BCAS3: variants seen among roughly 807,000 people sequenced by gnomAD.
The protein encoded by BCAS3 is BCAS4/BCAS3 fusion.
In BCAS3, 53 loss-of-function variants were observed where a neutral mutation model predicts 116.1. The ratio of observed to expected loss-of-function variants is 0.46; its 90% CI spans 0.37 to 0.57. The LOEUF is 0.57. BCAS3 is among the 20% of genes least tolerant of loss of function. BCAS3 has a pLI of 0.00. For missense variants in BCAS3, 917 were observed against 1,165.4 expected (o/e 0.79, Z 3.10); for synonymous variants, 391 against 408.2 (o/e 0.96, Z 0.51).
At chr17:60,864,032 G>A (rs767084024) in intron 7 of BCAS3, among the ~76,000 whole-genome samples, 1 of 152,180 alleles carries the variant, frequency 6.6e-6, no homozygotes, top group Non-Finnish European at 1.5e-5. Context: ...GGAGAAGTGG[G>A]AACTTAGCTT....
chr17:60,950,372 G>A (rs1483898636), intron 14 of BCAS3, among the ~76,000 whole-genome samples: 1 of 152,112 alleles, frequency 6.6e-6, no homozygotes, highest in Non-Finnish European at 1.5e-5. Context: ...AACTTTGTTT[G>A]GACCCTGATC....
Position 61,065,711 on chromosome 17 carries a change from G to A in BCAS3, c.2030-9209G>A, listed in dbSNP as rs2070539277. 6.6e-6 allele frequency among the ~76,000 whole-genome samples: 1 copy of A among 152,302 alleles called. No individual in the cohort carries two copies. Among genetic ancestry groups the A allele is most frequent in the South Asian group, 2.1e-4 (1 of 4,820 alleles). ...GGAGGAAGGGTGGGGATATGGTAAA[G>A]AGTAGGAGAAAACAAAAACTGTGTC... On this transcript the variant is annotated intron_variant, in intron 19 of 23. Coordinates refer to ENST00000407086, the MANE Select transcript of BCAS3 (RefSeq NM_017679.5). The surrounding 1 kb of genome is among the most constrained non-coding windows in gnomAD (Gnocchi z 4.8).
In BCAS3 at chr17:61,034,391, A is replaced by C. The variant is rs1231329454; in HGVS notation, c.1638-275A>C. Among the ~76,000 whole-genome samples, 3 of 152,224 alleles carry C rather than the reference A, an allele frequency of 2.0e-5. No individual in the cohort carries two copies. In the South Asian group the frequency reaches 6.2e-4, roughly 32 times the overall value. ...AGGGAAATGTTACTCATCTGAAAAGAGGTGACTTGGATTTTGCCAGCACAT... is the reference window on the plus strand; with the variant it reads ...AGGGAAATGTTACTCATCTGAAAAGCGGTGACTTGGATTTTGCCAGCACAT... On this transcript the variant is annotated intron_variant, in intron 16 of 23. Coordinates refer to ENST00000407086, the MANE Select transcript of BCAS3 (RefSeq NM_017679.5). The surrounding 1 kb of genome is among the most constrained non-coding windows in gnomAD (Gnocchi z 5.0).
intron 5 of BCAS3, among the ~76,000 whole-genome samples, chr17:60,712,222 A>T (rs34755063): frequency 1.3e-5 from 2 of 151,692 alleles, no homozygotes; most frequent in Admixed American, 6.6e-5. Flanking sequence ...AAAAATTTTT[A>T]AAAATTAACC....
intron 7 of BCAS3, among the ~76,000 whole-genome samples, chr17:60,837,789 G>T (rs1014675440): frequency 6.6e-6 from 1 of 151,878 alleles, no homozygotes; most frequent in Non-Finnish European, 1.5e-5. Context: ...AAGTAGCTGG[G>T]AACAGGTGCG....
At chr17:61,050,763 A>G (rs1406970087) in intron 19 of BCAS3, among the ~76,000 whole-genome samples, 1 of 152,042 alleles carries the variant, frequency 6.6e-6, no homozygotes, top group Non-Finnish European at 1.5e-5. Flanking sequence ...AACACACTTT[A>G]AACTTGGAAT....
chr17:60,910,413 C>A, intron 11 of BCAS3, 119 bp from the exon 12 acceptor site: 1 of 764,538 alleles, frequency 1.3e-6, no homozygotes, highest in Non-Finnish European at 1.9e-6. Flanking sequence ...CAGTTTACTG[C>A]TATAAAAGAT....
At position 61,200,648 on chromosome 17, in the gene BCAS3, C is replaced by T. The variant is rs965908951; in HGVS notation, c.2425+116084C>T. Among the ~76,000 whole-genome samples the T allele has an allele frequency of 4.6e-5, 7 of 152,190 alleles. No homozygotes were observed. Among genetic ancestry groups the T allele is most frequent in the African/African-American group, 1.4e-4 (6 of 41,436 alleles). On this transcript the variant is annotated intron_variant, in intron 22 of 23. Coordinates refer to ENST00000407086, the MANE Select transcript of BCAS3 (RefSeq NM_017679.5). The surrounding 1 kb of genome is among the most constrained non-coding windows in gnomAD (Gnocchi z 5.1). Reference sequence around the variant, plus strand: ...AATGCGGGTGGTAGTGAGGTATCCTCAGCTGTTTGGCTGGCTCTCTTATTA... The same window carrying T: ...AATGCGGGTGGTAGTGAGGTATCCTTAGCTGTTTGGCTGGCTCTCTTATTA...
At chr17:60,809,774 A>T (rs1598865889) in intron 7 of BCAS3, among the ~76,000 whole-genome samples, 2 of 152,282 alleles carry the variant, frequency 1.3e-5, no homozygotes, top group South Asian at 4.1e-4. Context: ...ATCTGAATAG[A>T]TGTGCAGATC....
intron 14 of BCAS3, among the ~76,000 whole-genome samples, chr17:60,948,048 C>T (rs934295462): frequency 1.3e-5 from 2 of 152,066 alleles, no homozygotes; most frequent in South Asian, 4.2e-4. Flanking sequence ...GTATCAGGTG[C>T]CACGCTAAGT....
At chr17:60,876,769 T>C (rs1009364335) in intron 9 of BCAS3, among the ~76,000 whole-genome samples, 9 of 152,170 alleles carry the variant, frequency 5.9e-5, no homozygotes, top group Non-Finnish European at 1.2e-4. Context: ...CTATCTTGTA[T>C]ACATTTTCTA....
At chr17:60,885,901 G>T (rs1023766151) in intron 9 of BCAS3, among the ~76,000 whole-genome samples, 1 of 146,736 alleles carries the variant, frequency 6.8e-6, no homozygotes, top group South Asian at 2.2e-4. Context: ...TTCAATTTTG[G>T]TGAATCTGAC....
At chr17:60,829,961 A>G (rs560329417) in intron 7 of BCAS3, among the ~76,000 whole-genome samples, 19 of 152,228 alleles carry the variant, frequency 1.2e-4, no homozygotes, top group Non-Finnish European at 2.5e-4. Context: ...TCTTCCTAGT[A>G]TTCAAATGTT....
At chr17:61,317,641 T>G (rs1407048634) in intron 22 of BCAS3, among the ~76,000 whole-genome samples, 1 of 152,156 alleles carries the variant, frequency 6.6e-6, no homozygotes, top group East Asian at 1.9e-4. Flanking sequence ...GAGGCCTCAA[T>G]AGCACCTTGA....
At position 61,171,841 on chromosome 17, in the gene BCAS3, C is replaced by T. The variant is rs182084797; in HGVS notation, c.2425+87277C>T. Among the ~76,000 whole-genome samples the T allele has an allele frequency of 1.0e-4, 15 of 147,846 alleles. No individual in the cohort carries two copies. Among genetic ancestry groups the T allele is most frequent in the Admixed American group, 2.7e-4 (4 of 14,806 alleles). On this transcript the variant is annotated intron_variant, in intron 22 of 23. Transcript: ENST00000407086. The surrounding 1 kb of genome is among the most constrained non-coding windows in gnomAD (Gnocchi z 4.1). ...AGAAATGGAGTCTCACTGTGTTGTT[C>T]GGGCTGTTCTTGAACTTCTGGAATT...
rs183835449 is a variant in BCAS3, at chr17:60,851,139, G to C, written c.477-17437G>C. ...TGCTCCGTGAAAGATTATTTTAAGA[G>C]AGTGAGAAGATGGGCTGCAGATGGT... On this transcript the variant is annotated intron_variant, in intron 7 of 23. Coordinates refer to ENST00000407086, the MANE Select transcript of BCAS3 (RefSeq NM_017679.5). Among the ~76,000 whole-genome samples, 28 of 152,324 alleles carry C rather than the reference G, an allele frequency of 1.8e-4. No individual in the cohort carries two copies. The East Asian group carries it at 5.4e-3, about 29-fold the overall frequency.
At chr17:60,910,466 A>G in intron 11 of BCAS3, 66 bp from the exon 12 acceptor site, 1 of 1,268,430 alleles carries the variant, frequency 7.9e-7, no homozygotes, top group Non-Finnish European at 1.1e-6. Context: ...AATTAATAAA[A>G]TGCGTATTTC....
At chr17:61,045,338 G>C (rs2067949351) in intron 19 of BCAS3, among the ~76,000 whole-genome samples, 1 of 151,580 alleles carries the variant, frequency 6.6e-6, no homozygotes, top group East Asian at 1.9e-4. Flanking sequence ...GAGAGACCCT[G>C]TCTCTACAAA....
chr17:61,119,943 G>C (rs1373710982), intron 22 of BCAS3, among the ~76,000 whole-genome samples: 4 of 151,926 alleles, frequency 2.6e-5, no homozygotes, highest in Non-Finnish European at 5.9e-5. Flanking sequence ...GAAAGATATA[G>C]AACCTATGTA....
Sources: gnomAD v4.1 joint callset for allele counts (sites outside exome capture counted in the v4.1 genomes callset) on GRCh38, gnomAD v4.1.1 for gene constraint, Gnocchi (gnomAD v3.1) non-coding constraint, MANE v1.5 for transcripts, NCBI Gene and HGNC (gene_info 2026-07-23, HGNC 2026-07-21) for gene names.